The following COL25A1 variants were observed in gnomAD, a reference collection of about 807,000 sequenced individuals.
The protein encoded by COL25A1 is collagen type XXV alpha 1 chain, also known as collagen alpha-1(XXV) chain.
In COL25A1, 103 loss-of-function variants were observed where a neutral mutation model predicts 128.4. The observed-to-expected ratio is 0.80, with a 90% CI of 0.68 to 0.94. COL25A1 has a LOEUF of 0.94. Among genes scored for constraint, COL25A1 ranks in the 40% least tolerant of loss-of-function variants. The probability of loss-of-function intolerance (pLI) is 0.00; values close to 1 mark genes in which losing one functional copy is unlikely to be tolerated. For missense variants in COL25A1, 745 were observed against 840.0 expected (o/e 0.89, Z 1.40); for synonymous variants, 279 against 277.2 (o/e 1.01, Z -0.06).
In COL25A1 at chr4:108,824,726, T is replaced by C. The variant is rs78069572; in HGVS notation, c.1791+470A>G. Among the ~76,000 whole-genome samples the C allele has an allele frequency of 6.7e-3, 1,023 of 152,326 alleles. 10 individuals carry two copies. The highest frequency in any genetic ancestry group is 0.023 in the African/African-American group (969 of 41,580). On this transcript the variant is annotated intron_variant, in intron 34 of 37. Coordinates refer to ENST00000399132, the MANE Select transcript of COL25A1 (RefSeq NM_198721.4). Reference sequence around the variant, plus strand: ...TAATACAGGATGAGCAGTGATTGTGTCTAGAGGCATTTACTTTTGACATTC... The same window carrying C: ...TAATACAGGATGAGCAGTGATTGTGCCTAGAGGCATTTACTTTTGACATTC...
At chr4:109,251,488 C>A (rs1780642518) in intron 3 of COL25A1, among the ~76,000 whole-genome samples, 2 of 152,202 alleles carry the variant, frequency 1.3e-5, no homozygotes. Flanking sequence ...CATACACACT[C>A]CTCCTTACCT....
chr4:109,238,814 C>T (rs1779639195), intron 3 of COL25A1, among the ~76,000 whole-genome samples: 1 of 152,008 alleles, frequency 6.6e-6, no homozygotes, highest in East Asian at 1.9e-4. Flanking sequence ...CCAACTTGCA[C>T]CCCATTCAGG....
At chr4:109,043,378 G>C (rs1760109650) in intron 5 of COL25A1, among the ~76,000 whole-genome samples, 1 of 151,866 alleles carries the variant, frequency 6.6e-6, no homozygotes, top group Non-Finnish European at 1.5e-5. Flanking sequence ...GCTTAACTTG[G>C]CCAAGTCTGC....
intron 3 of COL25A1, among the ~76,000 whole-genome samples, chr4:109,186,521 C>CA (rs1775146159): frequency 6.6e-6 from 1 of 151,974 alleles, no homozygotes; most frequent in African/African-American, 2.4e-5. Flanking sequence ...CCCAACACAA[C>CA]TTTTTTTTAA....
intron 24 of COL25A1, among the ~76,000 whole-genome samples, chr4:108,854,724 A>G (rs980408805): frequency 6.6e-6 from 1 of 152,092 alleles, no homozygotes; most frequent in African/African-American, 2.4e-5. Flanking sequence ...AGATGCTGAA[A>G]AGGATGTGGA....
Position 108,827,149 on chromosome 4 carries a change from G to T in COL25A1, c.1750C>A (p.Pro584Thr). Residue 584 changes from proline to threonine, a missense_variant, in exon 33 of 38, where the codon CCC becomes ACC. This residue lies in a region of COL25A1 where 387 missense variants were observed against 441.9 expected (regional missense o/e 0.88). Coordinates refer to ENST00000399132, the MANE Select transcript of COL25A1 (RefSeq NM_198721.4). The stretch of plus-strand genomic sequence containing the variant: ...CAGGAACTCACAGGCAGCCCATAGG[G>T]CCCTCTTGGTCCAGGCTCTCCCATA... ...GAMGEPGPRG[P>T]YGLPGKDGEP... The T allele has an allele frequency of 1.2e-6, 2 of 1,613,822 alleles. No homozygotes were observed. Among genetic ancestry groups the T allele is most frequent in the South Asian group, 1.1e-5 (1 of 91,012 alleles).
chr4:109,195,251 C>A (rs181730571), intron 3 of COL25A1, among the ~76,000 whole-genome samples: 11 of 152,142 alleles, frequency 7.2e-5, no homozygotes, highest in Non-Finnish European at 1.5e-4. Context: ...GCACAGTAGC[C>A]CTAGCCAGTT....
chr4:109,271,122 G>A (rs560970923), intron 3 of COL25A1, among the ~76,000 whole-genome samples: 6 of 152,108 alleles, frequency 3.9e-5, no homozygotes, highest in Non-Finnish European at 8.8e-5. Context: ...TGCCTCAATG[G>A]AAAATAATCA....
chr4:109,035,118 T>G (rs1057392833), intron 5 of COL25A1, among the ~76,000 whole-genome samples: 2 of 152,164 alleles, frequency 1.3e-5, no homozygotes, highest in Non-Finnish European at 2.9e-5. Flanking sequence ...AGAAAAAGTA[T>G]CCTTTTTCAA....
intron 3 of COL25A1, among the ~76,000 whole-genome samples, chr4:109,154,041 C>A (rs1026455286): frequency 1.3e-5 from 2 of 152,096 alleles, no homozygotes; most frequent in African/African-American, 4.8e-5. Context: ...GTAGTAGCAA[C>A]AAAATTAAAA....
chr4:108,861,666 G>T (rs1256083760), intron 22 of COL25A1, among the ~76,000 whole-genome samples: 2 of 152,166 alleles, frequency 1.3e-5, no homozygotes, highest in African/African-American at 2.4e-5. Context: ...CTGTAGAGCA[G>T]CAGGAATAGT....
chr4:109,128,548 GC>G lies in COL25A1; in HGVS notation c.368-78370del, dbSNP rs553042636. Among the ~76,000 whole-genome samples, 50 of 152,188 alleles carry G rather than the reference GC, an allele frequency of 3.3e-4. 2 individuals carry two copies. In the East Asian group the frequency reaches 9.7e-3, roughly 29 times the overall value. On this transcript the variant is annotated intron_variant, in intron 3 of 37. Coordinates refer to ENST00000399132, the MANE Select transcript of COL25A1 (RefSeq NM_198721.4). The stretch of plus-strand genomic sequence containing the variant: ...AACTTCCTTCCTGAAATTTACTCCT[GC>G]CTTTAAAAACTCTTACCTGCAAGAC...
chr4:108,993,454 A>ATT (rs1754426439), intron 6 of COL25A1, among the ~76,000 whole-genome samples: 1 of 152,154 alleles, frequency 6.6e-6, no homozygotes, highest in South Asian at 2.1e-4. Flanking sequence ...GGCACTTCCA[A>ATT]TTCTAAAAAG....
intron 3 of COL25A1, among the ~76,000 whole-genome samples, chr4:109,109,184 G>T (rs1766748508): frequency 6.6e-6 from 1 of 152,014 alleles, no homozygotes; most frequent in South Asian, 2.1e-4. Context: ...CTCCTCCTGG[G>T]TTCAAGCTAT....
chr4:108,863,305 T>C lies in COL25A1; in HGVS notation c.1152+14A>G. ...GCCAGAGAATGGTTATTTTCCAGTTTAAGAATAACTCACCTTTGGTCCGGG... is the reference window on the plus strand; with the variant it reads ...GCCAGAGAATGGTTATTTTCCAGTTCAAGAATAACTCACCTTTGGTCCGGG... On this transcript the variant is annotated intron_variant, in intron 21 of 37. Coordinates refer to ENST00000399132, the MANE Select transcript of COL25A1 (RefSeq NM_198721.4). 6.2e-7 allele frequency: 1 copy of C among 1,611,634 alleles called. No individual in the cohort carries two copies.
At chr4:109,144,819 T>G (rs1180841095) in intron 3 of COL25A1, among the ~76,000 whole-genome samples, 1 of 126,602 alleles carries the variant, frequency 7.9e-6, no homozygotes, top group Non-Finnish European at 1.6e-5. Flanking sequence ...TCCAAAAGCA[T>G]TATACAAATT....
intron 6 of COL25A1, among the ~76,000 whole-genome samples, chr4:108,982,055 GTGGTGGCA>G (rs367610937): frequency 0.012 from 1,879 of 152,082 alleles, 40 homozygotes; most frequent in African/African-American, 0.042. Context: ...TTAGCCAGGC[GTGGTGGCA>G]TGCGCCTGTA....
chr4:109,066,367 CT>C (rs572622762), intron 3 of COL25A1, among the ~76,000 whole-genome samples: 2 of 152,182 alleles, frequency 1.3e-5, no homozygotes, highest in South Asian at 4.2e-4. Flanking sequence ...ATCAGGAGGT[CT>C]CCCAAACTCT....
intron 3 of COL25A1, among the ~76,000 whole-genome samples, chr4:109,250,377 C>CACACACACACACACACACAG (rs1175111704): frequency 5.7e-4 from 86 of 151,586 alleles, no homozygotes; most frequent in African/African-American, 2.0e-3. Context: ...GATACACACA[C>CACACACACACACACACACAG]ACACACACAC....
Sources: allele counts gnomAD v4.1 joint callset (sites outside exome capture counted in the v4.1 genomes callset), GRCh38; gene constraint gnomAD v4.1.1; regional missense constraint gnomAD v4.1.1; transcripts MANE v1.5; gene names NCBI Gene and HGNC (gene_info 2026-07-23, HGNC 2026-07-21).